Variants in MXRA5 observed in about 807,000 individuals in gnomAD.
MXRA5 encodes the protein matrix-remodeling-associated protein 5.
In MXRA5, 41 loss-of-function variants were observed where a neutral mutation model predicts 112.5. That is an observed-to-expected ratio of 0.36 (90% CI 0.28 to 0.47). The LOEUF (loss-of-function observed/expected upper bound fraction) is 0.47. Ranked by LOEUF, MXRA5 falls within the 20% of genes least tolerant of loss-of-function variation. MXRA5 has a pLI of 0.99. For missense variants in MXRA5, 2,150 were observed against 2,251.0 expected (o/e 0.96, Z 0.91); for synonymous variants, 862 against 900.8 (o/e 0.96, Z 0.77).
At position 3,322,869 on chromosome X, in the gene MXRA5, G is replaced by A. The variant is rs374584651; in HGVS notation, c.2816C>T (p.Thr939Met). 15 of 1,209,490 alleles carry A rather than the reference G, an allele frequency of 1.2e-5. No individual in the cohort carries two copies. Among genetic ancestry groups the A allele is most frequent in the East Asian group, 8.9e-5 (3 of 33,722 alleles). The change falls in exon 5 of 7, where the codon ACG (threonine) becomes ATG (methionine). Residue 939 changes from threonine to methionine, a missense_variant. Physicochemically the swap from Thr to Met is moderately conservative, Grantham distance 81. Coordinates refer to ENST00000217939, the MANE Select transcript of MXRA5 (RefSeq NM_015419.4). ...TVYEKPTHEE[T>M]ATEGWSAADV... ...TGCTGCAGACCAACCCTCTGTTGCC[G>A]TCTCTTCATGGGTGGGCTTTTCATA...
At chrX:3,312,771 T>C (rs751960789) in intron 6 of MXRA5, among the ~76,000 whole-genome samples, 14 of 110,859 alleles carry the variant, frequency 1.3e-4, no homozygotes, top group Non-Finnish European at 2.1e-4. Flanking sequence ...GATCTTGCTA[T>C]GTTGTCCAGA....
chrX:3,330,545 C>A, intron 3 of MXRA5, 99 bp downstream of exon 3: 2 of 1,125,336 alleles, frequency 1.8e-6, no homozygotes, highest in Non-Finnish European at 2.4e-6. Flanking sequence ...AAACAATAGC[C>A]GTTTTATTGA....
intron 6 of MXRA5, 57 bp from the exon 7 acceptor site, chrX:3,311,681 C>CATT: frequency 2.0e-6 from 2 of 1,010,728 alleles, no homozygotes; most frequent in Non-Finnish European, 2.7e-6. Flanking sequence ...TCTAGTGTGG[C>CATT]ATTAGGTCGC....
chrX:3,317,408 G>T lies in MXRA5; in HGVS notation c.6273C>A (p.Pro2091=), dbSNP rs1195429443. The T allele has an allele frequency of 1.7e-6, 2 of 1,205,733 alleles. No individual in the cohort carries two copies. Among genetic ancestry groups the T allele is most frequent in the East Asian group, 3.0e-5 (1 of 33,557 alleles). Residue 2091 remains proline, a synonymous_variant, in exon 6 of 7, where the codon CCC becomes CCA. Coordinates refer to ENST00000217939, the MANE Select transcript of MXRA5 (RefSeq NM_015419.4). ...ACAAGTTCCCGTGGAGGAACTGCGAGGGGCGGATCTGGGTACCGTCCCCGA... is the reference window on the plus strand; with the variant it reads ...ACAAGTTCCCGTGGAGGAACTGCGATGGGCGGATCTGGGTACCGTCCCCGA... The part of the protein sequence containing the change: ...WVLGDGTQIR[P]SQFLHGNLFV...
chrX:3,315,455 G>A (rs1225413527), intron 6 of MXRA5, among the ~76,000 whole-genome samples: 1 of 105,335 alleles, frequency 9.5e-6, no homozygotes, highest in Non-Finnish European at 2.0e-5. Context: ...ACCTGACCTT[G>A]GCACTATGGA....
In MXRA5 at chrX:3,311,084, T is replaced by A; in HGVS notation, c.7119A>T (p.Glu2373Asp). The A allele has an allele frequency of 1.7e-6, 2 of 1,211,346 alleles. No homozygotes were observed. Among genetic ancestry groups the A allele is most frequent in the Non-Finnish European group, 2.2e-6 (2 of 895,421 alleles). ...VVTVACEAKG[E>D]PMPKVTWLSP... ...ACAACCAAGTCACCTTGGGCATGGG[T>A]TCTCCTTTGGCCTCACAGGCTACAG... Residue 2373 changes from glutamate to aspartate, a missense_variant, in exon 7 of 7, where the codon GAA becomes GAT. By Grantham distance (45) the Glu-to-Asp change is conservative. Around this residue, in one of 6 missense-constraint regions of MXRA5, gnomAD observed 1,485 missense variants for 1,471.6 expected, o/e 1.01. Coordinates refer to ENST00000217939, the MANE Select transcript of MXRA5 (RefSeq NM_015419.4).
At chrX:3,316,091 G>GCTCACGCCTGTAATCCCAGC (rs1921114283) in intron 6 of MXRA5, among the ~76,000 whole-genome samples, 2 of 41,479 alleles carry the variant, frequency 4.8e-5, no homozygotes, top group African/African-American at 3.1e-4. Flanking sequence ...GGGCGCGGCG[G>GCTCACGCCTGTAATCCCAGC]ATCAGGAGGT....
At position 3,311,584 on chromosome X, in the gene MXRA5, C is replaced by T. The variant is rs775585663; in HGVS notation, c.6619G>A (p.Val2207Met). 2.5e-6 allele frequency: 3 copies of T among 1,211,451 alleles called. No homozygotes were observed. The highest frequency in any genetic ancestry group is 3.4e-6 in the Non-Finnish European group (3 of 895,485). ...RIKVFANGTL[V>M]VKSVTDKDAG... is the part of the protein sequence containing the mutation. ...TCTTTGTCCGTCACTGATTTCACCA[C>T]CAGGGTCCCATTGGCAAACACCTTG... Residue 2207 changes from valine to methionine, a missense_variant, in exon 7 of 7, where the codon GTG becomes ATG. Around this residue, in one of 6 missense-constraint regions of MXRA5, gnomAD observed 1,485 missense variants for 1,471.6 expected, o/e 1.01. Transcript: ENST00000217939.
Position 3,343,648 on chromosome X carries a change from C to A in MXRA5, c.186G>T (p.Leu62Phe). 8 of 1,210,073 alleles carry A rather than the reference C, an allele frequency of 6.6e-6. No individual in the cohort carries two copies. Among genetic ancestry groups the A allele is most frequent in the Non-Finnish European group, 7.8e-6 (7 of 894,292 alleles). ...TTCGGGAAGAAAGTGGTACAAACCC[C>A]AAATTGATTCTTTCCACGTGTTTAG... ...GIAKHVERIN[L>F]GFNSIQALSE... The change falls in exon 2 of 7, where the codon TTG becomes TTT. Residue 62 changes from leucine to phenylalanine, a missense_variant and splice_region_variant. Leu to Phe is a conservative substitution (Grantham distance 22). Coordinates refer to ENST00000217939, the MANE Select transcript of MXRA5 (RefSeq NM_015419.4).
rs746568386 is a variant in MXRA5 at position 3,314,692 on chromosome X, G to T, written c.6578+2411C>A. ...TAGGGACATTTAAGGCTGGATGGAG[G>T]ATTCTCTGTGGTGGGTCTGTCCTGT... On this transcript the variant is annotated intron_variant, in intron 6 of 6. Transcript: ENST00000217939. 5.4e-5 allele frequency among the ~76,000 whole-genome samples: 6 copies of T among 110,958 alleles called. No homozygotes were observed. In the East Asian group the frequency reaches 1.7e-3, roughly 32 times the overall value.
intron 5 of MXRA5, among the ~76,000 whole-genome samples, 168 bp downstream of exon 5, chrX:3,319,840 A>C (rs751816002): frequency 9.0e-6 from 1 of 111,686 alleles, no homozygotes; most frequent in African/African-American, 3.3e-5. Context: ...AAGTTATAAA[A>C]ATAAAAATAA....
chrX:3,346,087 A>G (rs1255919218), intron 1 of MXRA5, among the ~76,000 whole-genome samples: 1 of 111,745 alleles, frequency 8.9e-6, no homozygotes, highest in African/African-American at 3.3e-5. Context: ...ACTTGGAAAG[A>G]GGCTCCTCAA....
At position 3,323,385 on chromosome X, in the gene MXRA5, G is replaced by C. The variant is rs1304766566; in HGVS notation, c.2300C>G (p.Ser767Cys). 8.3e-7 allele frequency: 1 copy of C among 1,211,875 alleles called. No homozygotes were observed. Reference protein sequence around the residue: ...NVAEGRRVFESRRRINMANKQ... With the variant: ...NVAEGRRVFECRRRINMANKQ... ...GTTTGCCATGTTTATCCTTCGTCTAGATTCAAACACTCTGCGACCTTCTGC... is the reference window on the plus strand; with the variant it reads ...GTTTGCCATGTTTATCCTTCGTCTACATTCAAACACTCTGCGACCTTCTGC... The change falls in exon 5 of 7, where the codon TCT becomes TGT. Residue 767 changes from serine (S) to cysteine (C), a missense_variant. Transcript: ENST00000217939.
In MXRA5 at chrX:3,343,821, C is replaced by A. The variant is rs182326310; in HGVS notation, c.13G>T (p.Ala5Ser). MPKRAHWGALSVVLI... is the reference protein window; with the variant it reads MPKRSHWGALSVVLI... Reference sequence around the variant, plus strand: ...ACCACGGAGAGGGCCCCCCAGTGCGCGCGCTTGGGCATCTTGTCGGGGTGC... The same window carrying A: ...ACCACGGAGAGGGCCCCCCAGTGCGAGCGCTTGGGCATCTTGTCGGGGTGC... Residue 5 changes from alanine to serine, a missense_variant, in exon 2 of 7, where the codon GCG becomes TCG. By Grantham distance (99) the Ala-to-Ser change is moderately conservative. This residue lies in a region of MXRA5 where 386 missense variants were observed against 411.0 expected (regional missense o/e 0.94). Transcript: ENST00000217939. 1 of 1,200,133 alleles carries A rather than the reference C, an allele frequency of 8.3e-7. No individual in the cohort carries two copies. Among genetic ancestry groups the A allele is most frequent in the African/African-American group, 1.8e-5 (1 of 56,945 alleles).
intron 1 of MXRA5, among the ~76,000 whole-genome samples, chrX:3,345,128 C>T (rs1922077417): frequency 9.0e-6 from 1 of 111,395 alleles, no homozygotes; most frequent in Admixed American, 9.5e-5. Flanking sequence ...AGCGAAACTC[C>T]GTCTCAAAAA....
intron 5 of MXRA5, among the ~76,000 whole-genome samples, chrX:3,318,976 A>G (rs1247767994): frequency 2.3e-4 from 26 of 111,895 alleles, no homozygotes; most frequent in Non-Finnish European, 3.4e-4. Flanking sequence ...CAAACACTGC[A>G]TGATCTCACT....
At chrX:3,315,321 T>C (rs1417958166) in intron 6 of MXRA5, among the ~76,000 whole-genome samples, 1 of 29,629 alleles carries the variant, frequency 3.4e-5, no homozygotes, top group Admixed American at 3.6e-4. Context: ...AGACAGATGA[T>C]AGATAGATAG....
rs140995456 is a variant in MXRA5 at position 3,323,424 on chromosome X, G to A, written c.2261C>T (p.Pro754Leu). The change falls in exon 5 of 7, where the codon CCA becomes CTA. Residue 754 changes from proline to leucine, a missense_variant. By Grantham distance (98) the Pro-to-Leu change is moderately conservative. Coordinates refer to ENST00000217939, the MANE Select transcript of MXRA5 (RefSeq NM_015419.4). ...GCGACCTTCTGCAACATTGGTCTCT[G>A]GTTCTTTTTCCGAATGCTTCCAGAG... The part of the protein sequence containing the change: ...LKLWKHSEKE[P>L]ETNVAEGRRV... 8.6e-4 allele frequency: 1,039 copies of A among 1,210,186 alleles called. 7 individuals are homozygous for A. The African/African-American group carries it at 0.016, about 19-fold the overall frequency.
rs756947603 is a variant in MXRA5 at position 3,341,544 on chromosome X, AAT to A, written c.188+2100_188+2101del. Among the ~76,000 whole-genome samples, 2 of 30,458 alleles carry A rather than the reference AAT, an allele frequency of 6.6e-5. 1 individual carries two copies. The highest frequency in any genetic ancestry group is 7.2e-4 in the African/African-American group (2 of 2,795). The allele number at this position is 30,458 out of a possible 115,157, so 26.4% of individuals were successfully genotyped here. ...TATAATATATATTATTATTATATATAATATATATAATATATATTATTATTATA... is the reference window on the plus strand; with the variant it reads ...TATAATATATATTATTATTATATATAATATATAATATATATTATTATTATA... On this transcript the variant is annotated intron_variant, in intron 2 of 6. Coordinates refer to ENST00000217939, the MANE Select transcript of MXRA5 (RefSeq NM_015419.4).
Sources: gnomAD v4.1 joint callset for allele counts (sites outside exome capture counted in the v4.1 genomes callset) on GRCh38, gnomAD v4.1.1 for gene constraint, gnomAD v4.1.1 regional missense constraint, MANE v1.5 for transcripts, NCBI Gene and HGNC (gene_info 2026-07-23, HGNC 2026-07-21) for gene names.